ACVR1B: variants seen among roughly 807,000 people sequenced by gnomAD.
The protein encoded by ACVR1B is activin receptor type-1B.
A neutral mutation model predicts 55.6 loss-of-function variants in ACVR1B; 15 were observed. The observed-to-expected ratio is 0.27, with a 90% CI of 0.18 to 0.42. ACVR1B has a LOEUF of 0.42. Ranked by LOEUF, ACVR1B falls within the 10% of genes least tolerant of loss-of-function variation. The pLI, the probability that ACVR1B is intolerant of heterozygous loss-of-function variation, is 1.00. For synonymous variants in ACVR1B, 247 were observed against 254.6 expected (o/e 0.97, Z 0.28); for missense variants, 359 against 670.1 (o/e 0.54, Z 5.13).
At position 51,987,114 on chromosome 12, in the gene ACVR1B, G is replaced by A. The variant is rs34050429; in HGVS notation, c.1261+172G>A. 9.2e-3 allele frequency: 7,999 copies of A among 867,400 alleles called. 458 individuals are homozygous for A. In the African/African-American group the frequency reaches 0.12, roughly 13 times the overall value. The allele number at this position is 867,400 out of a possible 1,614,324, so 53.7% of individuals were successfully genotyped here. A position where few individuals can be genotyped will look rare whatever the true frequency, so the allele number is the denominator to read the frequency against. The stretch of plus-strand genomic sequence containing the variant: ...GTGGAGGTAGCTGTGCTTAGGGTGC[G>A]TTTATTCTTCAGGGATCAGTTTGTT... On this transcript the variant is annotated intron_variant, in intron 7 of 8. Transcript: ENST00000257963.
chr12:51,984,330 G>T (rs1235917483), intron 5 of ACVR1B, among the ~76,000 whole-genome samples, 164 bp downstream of exon 5: 1 of 152,232 alleles, frequency 6.6e-6, no homozygotes, highest in Non-Finnish European at 1.5e-5. Context: ...CTTAAGTGAG[G>T]TATCTACAGG....
In ACVR1B at chr12:51,951,741, A is replaced by G. The variant is rs770999680; in HGVS notation, c.-3A>G. On this transcript the variant is annotated 5_prime_UTR_variant, in exon 1 of 9. Transcript: ENST00000257963. ...GGCGGCGGCGGCGGCGGCGGTGGTT[A>G]CTATGGCGGAGTCGGCCGGAGCCTC... 1.2e-5 allele frequency: 15 copies of G among 1,254,160 alleles called. No homozygotes were observed. In the Middle Eastern group the frequency reaches 1.4e-3, roughly 114 times the overall value. 77.7% of individuals were successfully genotyped at this position (1,254,160 alleles called of 1,614,324 possible).
intron 1 of ACVR1B, among the ~76,000 whole-genome samples, chr12:51,958,596 C>T (rs1036403736): frequency 6.7e-6 from 1 of 149,776 alleles, no homozygotes; most frequent in Non-Finnish European, 1.5e-5. Flanking sequence ...TGCAGTCAGC[C>T]GAGATCACGC....
Position 51,985,254 on chromosome 12 carries a change from A to G in ACVR1B, c.1042A>G (p.Met348Val), listed in dbSNP as rs760684499. The G allele has an allele frequency of 2.5e-6, 4 of 1,614,022 alleles. No individual in the cohort carries two copies. The highest frequency in any genetic ancestry group is 2.2e-5 in the East Asian group (1 of 44,872). The change falls in exon 6 of 9, where the codon ATG (methionine) becomes GTG (valine). Residue 348 changes from methionine to valine, a missense_variant. Physicochemically the swap from Met to Val is conservative, Grantham distance 21 (BLOSUM62 1). This residue lies in a region of ACVR1B where 119 missense variants were observed against 340.2 expected (regional missense o/e 0.35). Coordinates refer to ENST00000257963, the MANE Select transcript of ACVR1B (RefSeq NM_004302.5). ...GAACATTCTGGTGAAGAAAAATGGC[A>G]TGTGTGCCATAGCAGACCTGGGCCT... ...SKNILVKKNG[M>V]CAIADLGLAV...
intron 3 of ACVR1B, among the ~76,000 whole-genome samples, chr12:51,978,586 T>C (rs1018323382): frequency 5.9e-5 from 9 of 152,010 alleles, no homozygotes; most frequent in African/African-American, 1.9e-4. Flanking sequence ...TCCCAGCACT[T>C]TGGGAGGCTG....
At position 51,994,174 on chromosome 12, in the gene ACVR1B, G is replaced by A. The variant is rs117590601; in HGVS notation, c.*64G>A. 473 of 1,585,144 alleles carry A rather than the reference G, an allele frequency of 3.0e-4. 2 individuals carry two copies. In the East Asian group the frequency reaches 6.9e-3, roughly 23 times the overall value. ...ACTACGCACAGCTGCCGCGTTGAGC[G>A]TACGATGGAGGCCTACCTCTCGTTT... On this transcript the variant is annotated 3_prime_UTR_variant, in exon 9 of 9. Transcript: ENST00000257963. The surrounding 1 kb of genome is among the most constrained non-coding windows in gnomAD (Gnocchi z 4.2).
rs760541978 is a variant in ACVR1B, at chr12:51,991,932, G to A, written c.1331G>A (p.Arg444Gln). Residue 444 changes from arginine (R) to glutamine (Q), a missense_variant, in exon 8 of 9, where the codon CGA becomes CAA. Transcript: ENST00000257963. ...TCTGACCCTTCCATTGAGGAAATGCGAAAGGTTGTATGTGATCAGAAGCTG... is the reference window on the plus strand; with the variant it reads ...TCTGACCCTTCCATTGAGGAAATGCAAAAGGTTGTATGTGATCAGAAGCTG... ...VPSDPSIEEM[R>Q]KVVCDQKLRP... The A allele has an allele frequency of 1.9e-6, 3 of 1,614,050 alleles. No homozygotes were observed. The highest frequency in any genetic ancestry group is 1.3e-5 in the African/African-American group (1 of 74,906).
At chr12:51,971,010 AC>A (rs1818130195) in intron 1 of ACVR1B, among the ~76,000 whole-genome samples, 1 of 151,692 alleles carries the variant, frequency 6.6e-6, no homozygotes, top group African/African-American at 2.4e-5. Flanking sequence ...ACACTCCCAC[AC>A]CCCTCCTGGT....
intron 7 of ACVR1B, among the ~76,000 whole-genome samples, chr12:51,989,946 C>T (rs887541484): frequency 2.0e-5 from 3 of 152,016 alleles, no homozygotes; most frequent in African/African-American, 7.3e-5. Flanking sequence ...GATCGTGCCA[C>T]TGCACTCCAG....
In ACVR1B at chr12:51,975,607, A is replaced by G. The variant is rs17126218; in HGVS notation, c.331+103A>G. On this transcript the variant is annotated intron_variant, in intron 2 of 8. Coordinates refer to ENST00000257963, the MANE Select transcript of ACVR1B (RefSeq NM_004302.5). ...GCCCACTCACTTGGTTTGACGATAAAGATGCCTTTTGGATGTTCCCGAAGG... is the reference window on the plus strand; with the variant it reads ...GCCCACTCACTTGGTTTGACGATAAGGATGCCTTTTGGATGTTCCCGAAGG... 2,398 of 1,442,666 alleles carry G rather than the reference A, an allele frequency of 1.7e-3. 32 individuals carry two copies. The African/African-American group carries it at 0.031, about 18-fold the overall frequency. The allele number at this position is 1,442,666 out of a possible 1,614,324, so 89.4% of individuals were successfully genotyped here. A position where few individuals can be genotyped will look rare whatever the true frequency, so the allele number is the denominator to read the frequency against.
chr12:51,952,577 T>G (rs1049957579), intron 1 of ACVR1B, among the ~76,000 whole-genome samples: 3 of 152,142 alleles, frequency 2.0e-5, no homozygotes, highest in Non-Finnish European at 4.4e-5. Flanking sequence ...TCCCTAACCC[T>G]ATGGAACCGA....
At chr12:51,976,612 C>G in intron 3 of ACVR1B, 37 bp downstream of exon 3, 1 of 1,607,276 alleles carries the variant, frequency 6.2e-7, no homozygotes, top group Non-Finnish European at 8.5e-7. Context: ...CTGTGGTTGG[C>G]TTTCATCAGT....
At chr12:51,988,053 A>G (rs1942116464) in intron 7 of ACVR1B, among the ~76,000 whole-genome samples, 1 of 152,266 alleles carries the variant, frequency 6.6e-6, no homozygotes. Context: ...ACTGTTTTGT[A>G]TATTAATACC....
chr12:51,986,098 C>T (rs992471253), intron 6 of ACVR1B, among the ~76,000 whole-genome samples: 1 of 152,068 alleles, frequency 6.6e-6, no homozygotes, highest in Non-Finnish European at 1.5e-5. Flanking sequence ...AAAAGCAGTT[C>T]GGAATGAAAC....
intron 3 of ACVR1B, among the ~76,000 whole-genome samples, chr12:51,979,088 G>A (rs1298985795): frequency 1.0e-4 from 15 of 149,258 alleles, no homozygotes; most frequent in Admixed American, 5.3e-4. Context: ...GCTTGAACCC[G>A]GGAGGCAGAG....
At chr12:51,987,355 A>G in intron 7 of ACVR1B, 2 of 491,482 alleles carry the variant, frequency 4.1e-6, no homozygotes, top group Non-Finnish European at 7.1e-6. Context: ...TTAAAATAAT[A>G]GTGCTAATTT....
chr12:51,976,301 T>C, intron 2 of ACVR1B, 26 bp from the exon 3 acceptor site: 1 of 1,613,088 alleles, frequency 6.2e-7, no homozygotes, highest in Non-Finnish European at 8.5e-7. Context: ...TCTCATTCTT[T>C]CCCTCTCCTC....
intron 2 of ACVR1B, 135 bp from the exon 3 acceptor site, chr12:51,976,192 T>A: frequency 9.5e-7 from 1 of 1,048,602 alleles, no homozygotes; most frequent in Non-Finnish European, 1.4e-6. Context: ...CCCAGAAGAT[T>A]AGAGAGATCA....
chr12:51,954,013 C>T (rs1343252013), intron 1 of ACVR1B, among the ~76,000 whole-genome samples: 3 of 152,116 alleles, frequency 2.0e-5, no homozygotes, highest in Non-Finnish European at 4.4e-5. Flanking sequence ...ATAGTGTATG[C>T]TATGGAGACC....
Sources: gnomAD v4.1 joint callset for allele counts (sites outside exome capture counted in the v4.1 genomes callset) on GRCh38, gnomAD v4.1.1 for gene constraint, gnomAD v4.1.1 regional missense constraint, Gnocchi (gnomAD v3.1) non-coding constraint, MANE v1.5 for transcripts, NCBI Gene and HGNC (gene_info 2026-07-23, HGNC 2026-07-21) for gene names.